Variants in CDH18 observed in about 807,000 individuals in gnomAD.
CDH18 encodes the protein cadherin-18.
CDH18 carries 31 observed loss-of-function variants against 67.9 expected under a neutral mutation model. The observed-to-expected ratio is 0.46, with a 90% CI of 0.34 to 0.62. The LOEUF is 0.62. Among genes scored for constraint, CDH18 ranks in the 20% least tolerant of loss-of-function variants. The pLI is 0.01. For synonymous variants in CDH18, 362 were observed against 347.2 expected (o/e 1.04, Z -0.48); for missense variants, 890 against 975.5 (o/e 0.91, Z 1.17).
At chr5:19,914,458 T>C (rs547539570) in intron 2 of CDH18, among the ~76,000 whole-genome samples, 1 of 152,260 alleles carries the variant, frequency 6.6e-6, no homozygotes, top group South Asian at 2.1e-4. Flanking sequence ...CTTATCTATC[T>C]ATATACACAC....
chr5:20,217,154 A>G (rs369216171), intron 2 of CDH18, among the ~76,000 whole-genome samples: 2 of 151,930 alleles, frequency 1.3e-5, no homozygotes, highest in East Asian at 1.9e-4. Flanking sequence ...GAGTTCTTCA[A>G]TCTGAAAGAA....
intron 2 of CDH18, among the ~76,000 whole-genome samples, chr5:20,067,140 T>C (rs1163506160): frequency 6.6e-6 from 1 of 151,882 alleles, no homozygotes; most frequent in African/African-American, 2.4e-5. Context: ...AGGATGTATG[T>C]GGTTTATATG....
intron 10 of CDH18, among the ~76,000 whole-genome samples, chr5:19,506,350 T>C (rs1744157999): frequency 6.6e-6 from 1 of 152,114 alleles, no homozygotes; most frequent in Non-Finnish European, 1.5e-5. Flanking sequence ...AATTTATAGA[T>C]TCAATGCCAT....
intron 1 of CDH18, among the ~76,000 whole-genome samples, chr5:20,477,093 T>C (rs6865649): frequency 0.055 from 8,376 of 152,210 alleles, 766 homozygotes; most frequent in African/African-American, 0.19. Context: ...AGGGCAAATA[T>C]AGTTAGCATC....
chr5:20,347,333 C>A (rs1740784003), intron 1 of CDH18, among the ~76,000 whole-genome samples: 2 of 152,140 alleles, frequency 1.3e-5, no homozygotes, highest in Admixed American at 1.3e-4. Flanking sequence ...CTCTTGACTG[C>A]CACACAAACA....
intron 1 of CDH18, among the ~76,000 whole-genome samples, chr5:20,498,034 C>A (rs1319988177): frequency 6.6e-6 from 1 of 152,060 alleles, no homozygotes; most frequent in African/African-American, 2.4e-5. Flanking sequence ...TAAAGTGGGT[C>A]CTCACTAGAG....
intron 1 of CDH18, among the ~76,000 whole-genome samples, chr5:20,469,705 T>C (rs1001933062): frequency 6.6e-6 from 1 of 152,130 alleles, no homozygotes; most frequent in African/African-American, 2.4e-5. Flanking sequence ...TCTTCATTGC[T>C]CCCTCCAGTC....
At chr5:19,784,562 T>C (rs1775492221) in intron 3 of CDH18, among the ~76,000 whole-genome samples, 1 of 152,212 alleles carries the variant, frequency 6.6e-6, no homozygotes, top group Non-Finnish European at 1.5e-5. Flanking sequence ...TTTTTATGCA[T>C]TCATTCTTGT....
intron 1 of CDH18, among the ~76,000 whole-genome samples, chr5:20,468,837 A>G (rs543032188): frequency 2.0e-5 from 3 of 152,350 alleles, no homozygotes; most frequent in East Asian, 3.9e-4. Context: ...GTAAAACTGG[A>G]AAGTGGATAC....
At chr5:20,319,368 C>A (rs952350942) in intron 1 of CDH18, among the ~76,000 whole-genome samples, 2 of 152,034 alleles carry the variant, frequency 1.3e-5, no homozygotes, top group Non-Finnish European at 1.5e-5. Context: ...CTTTTTGATT[C>A]AATTTCAAAC....
intron 1 of CDH18, among the ~76,000 whole-genome samples, chr5:20,455,108 C>T (rs905607372): frequency 5.3e-5 from 8 of 151,776 alleles, no homozygotes; most frequent in Non-Finnish European, 1.2e-4. Flanking sequence ...CCTCTATTTC[C>T]AGCAACACAA....
intron 5 of CDH18, among the ~76,000 whole-genome samples, chr5:19,719,424 AATTTAT>A (rs1765728959): frequency 1.3e-5 from 2 of 151,998 alleles, no homozygotes; most frequent in African/African-American, 4.8e-5. Context: ...TTAAGGTAGG[AATTTAT>A]ATTTATTTTA....
At chr5:19,728,820 ATC>A (rs1222925896) in intron 4 of CDH18, among the ~76,000 whole-genome samples, 2 of 152,270 alleles carry the variant, frequency 1.3e-5, no homozygotes, top group East Asian at 3.9e-4. Context: ...CTCTGAAGGA[ATC>A]TCTTAGGGCT....
rs35867851 is a variant in CDH18 at position 19,719,903 on chromosome 5, G to GAGAAAGAAAGAAAGAAAGAAAGAAAGAA, written c.643+1416_643+1443dup. Among the ~76,000 whole-genome samples, 17 of 130,872 alleles carry GAGAAAGAAAGAAAGAAAGAAAGAAAGAA rather than the reference G, an allele frequency of 1.3e-4. 1 individual carries two copies. The highest frequency in any genetic ancestry group is 2.2e-4 in the East Asian group (1 of 4,468). The allele number at this position is 130,872 out of a possible 152,430, so 85.9% of individuals were successfully genotyped here. Reference sequence around the variant, plus strand: ...GAGAAAGAAAGAAAGAGTTAAGCAAGAGAAAGAAAGAAAGAAAGAAAGAAA... The same window carrying GAGAAAGAAAGAAAGAAAGAAAGAAAGAA: ...GAGAAAGAAAGAAAGAGTTAAGCAAGAGAAAGAAAGAAAGAAAGAAAGAAAGAAAGAAAGAAAGAAAGAAAGAAAGAAA... On this transcript the variant is annotated intron_variant, in intron 5 of 12. Transcript: ENST00000382275.
At chr5:19,616,213 T>C (rs751651080) in intron 5 of CDH18, among the ~76,000 whole-genome samples, 50 of 152,140 alleles carry the variant, frequency 3.3e-4, no homozygotes, top group Non-Finnish European at 4.4e-5. Context: ...ATTCTCACAA[T>C]GCTTAGCATA....
intron 1 of CDH18, among the ~76,000 whole-genome samples, chr5:20,411,600 G>A (rs949386023): frequency 3.3e-5 from 5 of 151,700 alleles, no homozygotes; most frequent in African/African-American, 4.8e-5. Context: ...ATGGATAAAC[G>A]GGACTACATG....
chr5:20,119,058 T>C (rs1472121195), intron 2 of CDH18, among the ~76,000 whole-genome samples: 1 of 152,184 alleles, frequency 6.6e-6, no homozygotes, highest in East Asian at 1.9e-4. Flanking sequence ...GGTTGGCAGA[T>C]GATTAGCTCA....
At chr5:19,749,273 G>T (rs183776973) in intron 3 of CDH18, among the ~76,000 whole-genome samples, 1 of 151,788 alleles carries the variant, frequency 6.6e-6, no homozygotes, top group Admixed American at 6.6e-5. Flanking sequence ...TAGAATACTT[G>T]TCATTAAACT....
At chr5:19,825,977 C>A (rs1288388263) in intron 3 of CDH18, among the ~76,000 whole-genome samples, 1 of 151,966 alleles carries the variant, frequency 6.6e-6, no homozygotes, top group African/African-American at 2.4e-5. Flanking sequence ...TCCAAGAAAT[C>A]TAAGGAATAT....
Sources: gnomAD v4.1 joint callset for allele counts (sites outside exome capture counted in the v4.1 genomes callset) on GRCh38, gnomAD v4.1.1 for gene constraint, MANE v1.5 for transcripts, NCBI Gene and HGNC (gene_info 2026-07-23, HGNC 2026-07-21) for gene names.